UBAP2: variants seen among roughly 807,000 people sequenced by gnomAD.
UBAP2 encodes the protein ubiquitin associated protein 2.
In UBAP2, 75 loss-of-function variants were observed where a neutral mutation model predicts 139.6. The ratio of observed to expected loss-of-function variants is 0.54; its 90% CI spans 0.45 to 0.65. The LOEUF (loss-of-function observed/expected upper bound fraction) is 0.65. Among genes scored for constraint, UBAP2 ranks in the 30% least tolerant of loss-of-function variants. UBAP2 has a pLI of 0.00. For synonymous variants in UBAP2, 526 were observed against 526.2 expected, an observed-to-expected ratio of 1.00 and a Z score of 0.01; for missense variants, 1,368 against 1,369.6, an observed-to-expected ratio of 1.00 and a Z score of 0.02.
intron 3 of UBAP2, chr9:33,997,437 CA>C (rs1224277544): frequency 6.6e-6 from 1 of 152,194 alleles, no homozygotes; most frequent in Admixed American, 6.5e-5. Flanking sequence ...TAATTAATAG[CA>C]AAGCCCATCT....
chr9:33,991,895 CTTTATA>C (rs1308513860), intron 4 of UBAP2, among the ~76,000 whole-genome samples: 10 of 152,332 alleles, frequency 6.6e-5, no homozygotes, highest in South Asian at 4.1e-4. Flanking sequence ...GGTACTCTAT[CTTTATA>C]AAGGGGCCAG....
At chr9:34,038,091 G>A (rs1034882261) in intron 1 of UBAP2, among the ~76,000 whole-genome samples, 3 of 148,662 alleles carry the variant, frequency 2.0e-5, no homozygotes, top group African/African-American at 7.5e-5. Context: ...TCTGAGCACG[G>A]GGAGTTCAAG....
At chr9:33,979,037 A>C (rs940059944) in intron 6 of UBAP2, among the ~76,000 whole-genome samples, 1 of 152,204 alleles carries the variant, frequency 6.6e-6, no homozygotes, top group African/African-American at 2.4e-5. Flanking sequence ...CAGGAGTTCA[A>C]GACCAGCCTG....
chr9:33,969,921 CTTTTTTTTTTTTT>C (rs1173625005), intron 8 of UBAP2, among the ~76,000 whole-genome samples: 1 of 46,182 alleles, frequency 2.2e-5, no homozygotes, highest in East Asian at 1.1e-3. Flanking sequence ...GTGTATAATT[CTTTTTTTTTTTTT>C]TTTTTTTTTT....
At chr9:33,927,440 C>T (rs1564015363) in intron 20 of UBAP2, among the ~76,000 whole-genome samples, 3 of 152,126 alleles carry the variant, frequency 2.0e-5, no homozygotes, top group Admixed American at 1.3e-4. Context: ...AGTTCGAAGT[C>T]GGTTTTAGCA....
chr9:33,966,632 C>T (rs1340100975), intron 8 of UBAP2, among the ~76,000 whole-genome samples: 2 of 152,038 alleles, frequency 1.3e-5, no homozygotes, highest in Non-Finnish European at 2.9e-5. Context: ...TTTGATCTTT[C>T]CCAACATGTT....
intron 1 of UBAP2, among the ~76,000 whole-genome samples, chr9:34,032,516 G>T (rs1343438344): frequency 1.3e-5 from 2 of 152,138 alleles, no homozygotes; most frequent in African/African-American, 2.4e-5. Flanking sequence ...AAGGAAGGAA[G>T]ATATCAAAAT....
chr9:33,924,310 C>T (rs1329161393), intron 22 of UBAP2, 26 bp from the exon 23 acceptor site: 2 of 1,604,874 alleles, frequency 1.2e-6, no homozygotes, highest in African/African-American at 1.3e-5. Context: ...GAGGCTTGAT[C>T]AGCGACTGGC....
intron 2 of UBAP2, among the ~76,000 whole-genome samples, chr9:34,013,286 A>AT (rs1233755182): frequency 6.6e-6 from 1 of 152,058 alleles, no homozygotes; most frequent in Admixed American, 6.6e-5. Context: ...GCAGTGGCTC[A>AT]CGCCTGTAAT....
intron 9 of UBAP2, among the ~76,000 whole-genome samples, chr9:33,963,192 A>G (rs1055674071): frequency 6.6e-6 from 1 of 152,166 alleles, no homozygotes; most frequent in African/African-American, 2.4e-5. Context: ...AACATGATAG[A>G]GTGGTAAGTC....
intron 19 of UBAP2, among the ~76,000 whole-genome samples, chr9:33,931,369 C>T (rs1378991594): frequency 3.3e-5 from 5 of 152,102 alleles, no homozygotes; most frequent in African/African-American, 9.7e-5. Context: ...CTGGATGAGA[C>T]GATTCTGGCT....
At chr9:33,968,561 C>T (rs1030714531) in intron 8 of UBAP2, 7 of 367,194 alleles carry the variant, frequency 1.9e-5, no homozygotes, top group Admixed American at 1.8e-4. Flanking sequence ...ATCCCACGTG[C>T]CACTCAGAAA....
chr9:33,992,112 G>A (rs923063149), intron 4 of UBAP2, among the ~76,000 whole-genome samples: 3 of 151,942 alleles, frequency 2.0e-5, no homozygotes, highest in African/African-American at 4.8e-5. Flanking sequence ...ATTAGCAGCC[G>A]GGTGCAGTGG....
chr9:34,025,445 A>G (rs1366635959), intron 1 of UBAP2, among the ~76,000 whole-genome samples: 1 of 152,222 alleles, frequency 6.6e-6, no homozygotes, highest in South Asian at 2.1e-4. Context: ...GCTTACTTCA[A>G]TCTATCCAAC....
At chr9:33,931,297 A>G (rs1254647418) in intron 19 of UBAP2, among the ~76,000 whole-genome samples, 1 of 152,352 alleles carries the variant, frequency 6.6e-6, no homozygotes, top group Middle Eastern at 3.4e-3. Flanking sequence ...CCCTGCATAT[A>G]TGGAGGGACA....
chr9:33,970,544 C>T (rs1226129250), intron 8 of UBAP2, among the ~76,000 whole-genome samples: 1 of 151,550 alleles, frequency 6.6e-6, no homozygotes, highest in Non-Finnish European at 1.5e-5. Flanking sequence ...ACACTCCCCA[C>T]TTCAGCCTCC....
chr9:33,973,360 T>A, intron 6 of UBAP2, 123 bp from the exon 7 acceptor site: 1 of 1,076,360 alleles, frequency 9.3e-7, no homozygotes, highest in Non-Finnish European at 1.4e-6. Flanking sequence ...GCACCAACAT[T>A]CCAATCCAGG....
In UBAP2 at chr9:34,017,098, T is replaced by C. The variant is rs1824432195; in HGVS notation, c.51A>G (p.Pro17=). ...SDHCRGAREK[P]QISAAQSTQP... is the part of the protein sequence containing the mutation. ...GCGTTGATTGTGCTGCTGAAATCTGTGGTTTTTCCCGAGCACCTCGACAAT... is the reference window on the plus strand; with the variant it reads ...GCGTTGATTGTGCTGCTGAAATCTGCGGTTTTTCCCGAGCACCTCGACAAT... Residue 17 remains proline (P), a synonymous_variant, in exon 2 of 29, where the codon CCA becomes CCG. Transcript: ENST00000379238. 1.2e-6 allele frequency: 2 copies of C among 1,612,530 alleles called. No individual in the cohort carries two copies. Among genetic ancestry groups the C allele is most frequent in the Non-Finnish European group, 8.5e-7 (1 of 1,179,664 alleles).
At chr9:33,959,834 G>T (rs1033904080) in intron 10 of UBAP2, among the ~76,000 whole-genome samples, 3 of 151,958 alleles carry the variant, frequency 2.0e-5, no homozygotes, top group African/African-American at 7.2e-5. Context: ...ATATTCTAAA[G>T]AATAATAGTT....
Sources: allele counts gnomAD v4.1 joint callset (sites outside exome capture counted in the v4.1 genomes callset), GRCh38; gene constraint gnomAD v4.1.1; transcripts MANE v1.5; gene names NCBI Gene and HGNC (gene_info 2026-07-23, HGNC 2026-07-21).